GRK1: variants seen among roughly 807,000 people sequenced by gnomAD.
GRK1 encodes G protein-coupled receptor kinase 1.
Under a neutral mutation model 41.7 loss-of-function variants are expected in GRK1, and 28 were observed. The ratio of observed to expected loss-of-function variants is 0.67; its 90% CI spans 0.50 to 0.92. The LOEUF (loss-of-function observed/expected upper bound fraction) is 0.92. GRK1 is among the 40% of genes least tolerant of loss of function. GRK1 has a pLI of 0.00. For synonymous variants in GRK1, 327 were observed against 286.7 expected (o/e 1.14, Z -1.42); for missense variants, 703 against 671.2 (o/e 1.05, Z -0.52).
the GRK1 span, among the ~76,000 whole-genome samples, chr13:113,659,722 T>C: frequency 6.6e-6 from 1 of 152,140 alleles, no homozygotes; most frequent in African/African-American, 2.4e-5. Context: ...CGTGAGCCCC[T>C]GCGCCCAGCC....
the GRK1 span, chr13:113,655,041 C>T: frequency 6.7e-7 from 1 of 1,482,886 alleles, no homozygotes; most frequent in African/African-American, 1.4e-5. Flanking sequence ...TGACCATCTT[C>T]CCTACCTAGT....
Position 113,732,062 on chromosome 13 carries a change from AGTG to A in GRK1, c.1194+721_1194+723del, listed in dbSNP as rs2049941048. ...AGGTGCCAGTCCCTTATTCAAGACA[AGTG>A]GAGAAAAGCTGGCTTTTTCCCTGTG... is the stretch of plus-strand genomic sequence containing the variant. On this transcript the variant is annotated intron_variant, in intron 5 of 6. Transcript: ENST00000335678. Among the ~76,000 whole-genome samples the A allele has an allele frequency of 2.0e-5, 3 of 152,104 alleles. No individual in the cohort carries two copies. In the South Asian group the frequency reaches 6.2e-4, roughly 32 times the overall value.
At chr13:113,663,163 A>C (rs1210173807), upstream of GRK1, among the ~76,000 whole-genome samples, 1 of 152,214 alleles carries the variant, frequency 6.6e-6, no homozygotes, top group Non-Finnish European at 1.5e-5. Flanking sequence ...ATGGAACAGA[A>C]GAGAAAATCC....
intron 4 of GRK1, among the ~76,000 whole-genome samples, chr13:113,728,698 G>A (rs1481439997): frequency 6.6e-6 from 1 of 152,202 alleles, no homozygotes; most frequent in Non-Finnish European, 1.5e-5. Context: ...TGCCTGAGCC[G>A]AGACAGGTGG....
the GRK1 span, among the ~76,000 whole-genome samples, chr13:113,656,646 C>T: frequency 6.6e-6 from 1 of 152,224 alleles, no homozygotes; most frequent in Admixed American, 6.5e-5. Context: ...GCACCTGCAC[C>T]CGTCCCCCAA....
At chr13:113,728,324 C>CG (rs2049908156) in intron 4 of GRK1, among the ~76,000 whole-genome samples, 1 of 101,212 alleles carries the variant, frequency 9.9e-6, no homozygotes, top group African/African-American at 5.9e-5. Flanking sequence ...ATACCCATGG[C>CG]AAGGAGTACC....
At position 113,733,891 on chromosome 13, in the gene GRK1, G is replaced by GCA. The variant is rs1491255819; in HGVS notation, c.1396+806_1396+807insCA. Among the ~76,000 whole-genome samples the GCA allele has an allele frequency of 6.5e-3, 558 of 85,940 alleles. 18 individuals carry two copies. Among genetic ancestry groups the GCA allele is most frequent in the African/African-American group, 0.028 (509 of 18,326 alleles). The allele number at this position is 85,940 out of a possible 152,430, so 56.4% of individuals were successfully genotyped here. ...TGTGCGTGTGTGCATACGTGTGTGC[G>GCA]TGTGTGTATGTGTGCATACAGTGTG... On this transcript the variant is annotated intron_variant, in intron 6 of 6. Transcript: ENST00000335678.
At position 113,671,348 on chromosome 13, in the gene GRK1, G is replaced by A. The variant is rs2049855399; in HGVS notation, c.828-151G>A. On this transcript the variant is annotated intron_variant, in intron 2 of 6. Coordinates refer to ENST00000335678, the MANE Select transcript of GRK1 (RefSeq NM_002929.3). This position sits in a 1 kb window ranked among gnomAD's most constrained non-coding sequence, Gnocchi z 4.1. ...AACGCCGCCAGCCACCATGGCCTTC[G>A]GGTGTCCTCTGCAGGGACGTAGGGG... The A allele has an allele frequency of 4.7e-6, 3 of 641,858 alleles. No individual in the cohort carries two copies. The South Asian group carries it at 5.3e-5, about 11-fold the overall frequency. 39.8% of individuals were successfully genotyped at this position (641,858 alleles called of 1,614,324 possible). A position where few individuals can be genotyped will look rare whatever the true frequency, so the allele number is the denominator to read the frequency against.
At position 113,735,639 on chromosome 13, in the gene GRK1, G is replaced by A. The variant is rs376261086; in HGVS notation, c.*276G>A. 1 of 352,326 alleles carries A rather than the reference G, an allele frequency of 2.8e-6. No individual in the cohort carries two copies. Among genetic ancestry groups the A allele is most frequent in the Non-Finnish European group, 5.1e-6 (1 of 195,602 alleles). The allele number at this position is 352,326 out of a possible 1,614,324, so 21.8% of individuals were successfully genotyped here. A position where few individuals can be genotyped will look rare whatever the true frequency, so the allele number is the denominator to read the frequency against. On this transcript the variant is annotated 3_prime_UTR_variant, in exon 7 of 7. Coordinates refer to ENST00000335678, the MANE Select transcript of GRK1 (RefSeq NM_002929.3). ...AGACATAAGATGCTCTCCAGAGGGAGTAAGCCAAAAATCTACAAACTCTTA... is the reference window on the plus strand; with the variant it reads ...AGACATAAGATGCTCTCCAGAGGGAATAAGCCAAAAATCTACAAACTCTTA...
At chr13:113,657,703 G>T in the GRK1 span, among the ~76,000 whole-genome samples, 3 of 152,238 alleles carry the variant, frequency 2.0e-5, no homozygotes, top group South Asian at 6.2e-4. Flanking sequence ...CACCTTTCAC[G>T]TTATTTTCAA....
chr13:113,723,836 GCA>G (rs991505233), intron 4 of GRK1, among the ~76,000 whole-genome samples: 2 of 151,014 alleles, frequency 1.3e-5, no homozygotes, highest in African/African-American at 4.9e-5. Flanking sequence ...GTGTCTCTGT[GCA>G]CACGTGTCTG....
rs928903210 is a variant in GRK1, at chr13:113,731,835, C to T, written c.1194+492C>T. Among the ~76,000 whole-genome samples the T allele has an allele frequency of 6.6e-6, 1 of 152,148 alleles. No individual in the cohort carries two copies. The highest frequency in any genetic ancestry group is 1.5e-5 in the Non-Finnish European group (1 of 68,014). On this transcript the variant is annotated intron_variant, in intron 5 of 6. Transcript: ENST00000335678. The surrounding 1 kb of genome is among the most constrained non-coding windows in gnomAD (Gnocchi z 5.6). ...ACGGAGTCGGCTCCCCCTCCCTGGA[C>T]GGTCTTATCCATCGCTGTTGCAGAA...
upstream of GRK1, among the ~76,000 whole-genome samples, chr13:113,664,885 G>A (rs9324256): frequency 1.4e-3 from 217 of 152,358 alleles, 1 homozygote; most frequent in African/African-American, 4.6e-3. The surrounding 1 kb of genome is among the most constrained non-coding windows in gnomAD (Gnocchi z 5.4). Flanking sequence ...AGGAGTTAAC[G>A]TGATCCGCCC....
At chr13:113,651,635 C>T in the GRK1 span, 1 of 1,561,886 alleles carries the variant, frequency 6.4e-7, no homozygotes, top group Non-Finnish European at 8.7e-7. Flanking sequence ...AGCTCCTTTC[C>T]TGGGGCAGCC....
At chr13:113,730,970 T>C (rs868404411) in intron 4 of GRK1, among the ~76,000 whole-genome samples, 17 of 152,154 alleles carry the variant, frequency 1.1e-4, no homozygotes, top group African/African-American at 4.1e-4. Context: ...TGGGGCATTT[T>C]TGGTTGTCAT....
chr13:113,650,340 T>G, the GRK1 span: 4 of 1,473,068 alleles, frequency 2.7e-6, no homozygotes, highest in Non-Finnish European at 9.5e-7. The surrounding 1 kb of genome is among the most constrained non-coding windows in gnomAD (Gnocchi z 5.0). Flanking sequence ...CTTATTGCTT[T>G]CCTTTCGCTA....
chr13:113,657,299 C>T, the GRK1 span, among the ~76,000 whole-genome samples: 326 of 152,318 alleles, frequency 2.1e-3, 3 homozygotes, highest in African/African-American at 7.1e-3. Flanking sequence ...AGCCGCATCC[C>T]GACGCCCAGG....
At chr13:113,658,001 A>G in the GRK1 span, 1 of 1,547,030 alleles carries the variant, frequency 6.5e-7, no homozygotes, top group East Asian at 2.4e-5. Flanking sequence ...GGCCCCCTCC[A>G]TGCACCCAGC....
At chr13:113,650,380 G>T in the GRK1 span, 15 of 1,598,898 alleles carry the variant, frequency 9.4e-6, no homozygotes, top group Non-Finnish European at 1.3e-5. The surrounding 1 kb of genome is among the most constrained non-coding windows in gnomAD (Gnocchi z 5.0). Flanking sequence ...GCTGTGGTGA[G>T]GGAAGCGTGG....
Sources: gnomAD v4.1 joint callset for allele counts (sites outside exome capture counted in the v4.1 genomes callset) on GRCh38, gnomAD v4.1.1 for gene constraint, Gnocchi (gnomAD v3.1) non-coding constraint, MANE v1.5 for transcripts, NCBI Gene and HGNC (gene_info 2026-07-23, HGNC 2026-07-21) for gene names.